SEL1L3: variants seen among roughly 807,000 people sequenced by gnomAD.
SEL1L3 encodes the protein SEL1L family member 3, also known as protein sel-1 homolog 3.
A neutral mutation model predicts 142.8 loss-of-function variants in SEL1L3; 76 were observed. The observed-to-expected ratio is 0.53, with a 90% confidence interval of 0.44 to 0.64. SEL1L3 has a LOEUF of 0.64. SEL1L3 is among the 30% of genes least tolerant of loss of function. SEL1L3 has a pLI of 0.00. For synonymous variants in SEL1L3, 504 were observed against 519.6 expected, an observed-to-expected ratio of 0.97 and a Z score of 0.41; for missense variants, 1,262 against 1,381.7, an observed-to-expected ratio of 0.91 and a Z score of 1.37.
At chr4:25,742,120 C>T in the SEL1L3 span, among the ~76,000 whole-genome samples, 7 of 151,254 alleles carry the variant, frequency 4.6e-5, no homozygotes, top group South Asian at 2.1e-4. Context: ...CCAAATCTTA[C>T]GTTTTCTATT....
intron 6 of SEL1L3, among the ~76,000 whole-genome samples, chr4:25,827,980 G>A (rs1715198678): frequency 6.6e-6 from 1 of 152,158 alleles, no homozygotes; most frequent in South Asian, 2.1e-4. Context: ...ACAGCTCCCA[G>A]GCTTCACTGT....
intron 21 of SEL1L3, 147 bp from the exon 22 acceptor site, chr4:25,757,937 T>G: frequency 1.6e-6 from 1 of 634,916 alleles, no homozygotes; most frequent in Non-Finnish European, 2.8e-6. Flanking sequence ...GACAAAGAAA[T>G]AAAGCCAGTG....
Position 25,853,264 on chromosome 4 carries a change from G to A in SEL1L3, c.163-5400C>T, listed in dbSNP as rs1189454090. On this transcript the variant is annotated intron_variant, in intron 1 of 23. Coordinates refer to ENST00000399878, the MANE Select transcript of SEL1L3 (RefSeq NM_015187.5). ...CCCTCCAAAATAAAAATAAAAATAAGAAGGCATATACACATTTCACCGTGT... is the reference window on the plus strand; with the variant it reads ...CCCTCCAAAATAAAAATAAAAATAAAAAGGCATATACACATTTCACCGTGT... Among the ~76,000 whole-genome samples, 3 of 152,098 alleles carry A rather than the reference G, an allele frequency of 2.0e-5. No individual in the cohort carries two copies. The East Asian group carries it at 5.8e-4, about 29-fold the overall frequency.
intron 9 of SEL1L3, among the ~76,000 whole-genome samples, chr4:25,811,764 T>TTTG (rs1036673831): frequency 1.3e-4 from 19 of 147,852 alleles, no homozygotes; most frequent in Non-Finnish European, 2.5e-4. Context: ...TTTTTTTTTT[T>TTTG]TTGTTGTTGT....
Position 25,784,208 on chromosome 4 carries a change from T to C in SEL1L3, c.2280+20A>G, listed in dbSNP as rs1314962796. ...AGTGTGTGGTGGAACTGTTTCCCTC[T>C]GACAATATGCATGTGTTACCTTGGA... On this transcript the variant is annotated intron_variant, in intron 14 of 23. Coordinates refer to ENST00000399878, the MANE Select transcript of SEL1L3 (RefSeq NM_015187.5). The C allele has an allele frequency of 6.2e-7, 1 of 1,600,632 alleles. No individual in the cohort carries two copies. The highest frequency in any genetic ancestry group is 2.2e-5 in the East Asian group (1 of 44,802).
chr4:25,755,206 C>A (rs1717871114), intron 23 of SEL1L3, among the ~76,000 whole-genome samples: 1 of 152,098 alleles, frequency 6.6e-6, no homozygotes, highest in African/African-American at 2.4e-5. Flanking sequence ...GCCTCAGCCT[C>A]CCTAGTAGCC....
the SEL1L3 span, among the ~76,000 whole-genome samples, chr4:25,735,283 A>T: frequency 6.7e-6 from 1 of 148,262 alleles, no homozygotes; most frequent in Admixed American, 6.6e-5. Context: ...AGGTTCAAGC[A>T]ATCCTCCTGC....
rs547212454 is a variant in SEL1L3, at chr4:25,805,948, C to T, written c.1565-1196G>A. On this transcript the variant is annotated intron_variant, in intron 9 of 23. Coordinates refer to ENST00000399878, the MANE Select transcript of SEL1L3 (RefSeq NM_015187.5). The stretch of plus-strand genomic sequence containing the variant: ...AATGTCAACTTGACTAAAATTTCAC[C>T]TGCCTAAAAACTATGTCCAACATGA... Among the ~76,000 whole-genome samples, 7 of 152,090 alleles carry T rather than the reference C, an allele frequency of 4.6e-5. No individual in the cohort carries two copies. The South Asian group carries it at 1.2e-3, about 27-fold the overall frequency.
intron 8 of SEL1L3, among the ~76,000 whole-genome samples, chr4:25,818,943 G>A (rs537459396): frequency 2.6e-5 from 4 of 152,152 alleles, no homozygotes; most frequent in South Asian, 2.1e-4. Context: ...TATTGGACTG[G>A]GGCATGTTTG....
chr4:25,718,983 C>G, the SEL1L3 span: 1 of 152,084 alleles, frequency 6.6e-6, no homozygotes, highest in African/African-American at 2.4e-5. Flanking sequence ...GTGAGACCAG[C>G]CTGACCAACA....
At chr4:25,716,740 A>T in the SEL1L3 span, among the ~76,000 whole-genome samples, 414 of 152,346 alleles carry the variant, frequency 2.7e-3, 1 homozygote, top group Non-Finnish European at 4.4e-3. Flanking sequence ...ACTTAAATAA[A>T]ATTTTAAAAC....
the SEL1L3 span, among the ~76,000 whole-genome samples, chr4:25,734,518 CTTCT>C: frequency 2.0e-5 from 3 of 152,052 alleles, no homozygotes; most frequent in Non-Finnish European, 4.4e-5. Flanking sequence ...ATCATAACGT[CTTCT>C]TTTCATTAAT....
intron 1 of SEL1L3, among the ~76,000 whole-genome samples, chr4:25,855,361 T>A (rs1236744174): frequency 2.0e-5 from 3 of 152,252 alleles, no homozygotes; most frequent in Non-Finnish European, 4.4e-5. Flanking sequence ...TGTTCCTTTG[T>A]TTAGAAATTA....
intron 4 of SEL1L3, 48 bp from the exon 5 acceptor site, chr4:25,833,158 A>G: frequency 9.6e-7 from 1 of 1,042,852 alleles, no homozygotes; most frequent in East Asian, 2.4e-5. Flanking sequence ...AATATCTACG[A>G]GTGAATGAAG....
intron 6 of SEL1L3, among the ~76,000 whole-genome samples, chr4:25,829,368 A>G (rs974326096): frequency 1.3e-5 from 2 of 152,266 alleles, no homozygotes; most frequent in Non-Finnish European, 2.9e-5. Flanking sequence ...TATCATTAGT[A>G]CAAAATGCAT....
the SEL1L3 span, among the ~76,000 whole-genome samples, chr4:25,722,624 C>CTTTTTTTTTTTTTTTTTTTTTTTTTTT: frequency 1.4e-4 from 15 of 103,662 alleles, 1 homozygote; most frequent in African/African-American, 5.1e-4. Flanking sequence ...CCAAAGGAGG[C>CTTTTTTTTTTTTTTTTTTTTTTTTTTT]TTTTTTTTTT....
chr4:25,822,515 A>C (rs1714829352), intron 6 of SEL1L3, among the ~76,000 whole-genome samples: 1 of 152,202 alleles, frequency 6.6e-6, no homozygotes, highest in Non-Finnish European at 1.5e-5. Flanking sequence ...GAATCAATGG[A>C]ATTGTCTGGA....
At chr4:25,833,211 T>C in intron 4 of SEL1L3, 101 bp from the exon 5 acceptor site, 1 of 773,368 alleles carries the variant, frequency 1.3e-6, no homozygotes. Flanking sequence ...GCTACAATAC[T>C]CCACGAAAAC....
chr4:25,790,383 G>A (rs1025229996), intron 12 of SEL1L3, 72 bp downstream of exon 12: 2 of 1,453,548 alleles, frequency 1.4e-6, no homozygotes, highest in African/African-American at 2.8e-5. Flanking sequence ...AGTTTGAGAT[G>A]TTTCATTACC....
Sources: gnomAD v4.1 joint callset for allele counts (sites outside exome capture counted in the v4.1 genomes callset) on GRCh38, gnomAD v4.1.1 for gene constraint, MANE v1.5 for transcripts, NCBI Gene and HGNC (gene_info 2026-07-23, HGNC 2026-07-21) for gene names.